The following FLCN variants were observed in gnomAD, a reference collection of about 807,000 sequenced individuals.
FLCN encodes the protein folliculin.
In FLCN, 22 loss-of-function variants were observed where a neutral mutation model predicts 62.5. The ratio of observed to expected loss-of-function variants is 0.35; its 90% CI spans 0.25 to 0.50. The LOEUF (loss-of-function observed/expected upper bound fraction) is 0.50. Among genes scored for constraint, FLCN ranks in the 20% least tolerant of loss-of-function variants. FLCN has a pLI of 0.97. For missense variants in FLCN, 657 were observed against 778.0 expected (o/e 0.84, Z 1.85); for synonymous variants, 319 against 310.0 (o/e 1.03, Z -0.30).
Position 17,216,650 on chromosome 17 carries a change from A to G in FLCN, c.1177-147T>C. ...AGAGGAGTCCCCAGACTCTCAGCCC[A>G]CAGTGGGGGTGAGGGGGGAGGGTCC... On this transcript the variant is annotated intron_variant, in intron 10 of 13. Transcript: ENST00000285071. The surrounding 1 kb of genome is among the most constrained non-coding windows in gnomAD (Gnocchi z 4.0). 1 of 1,304,008 alleles carries G rather than the reference A, an allele frequency of 7.7e-7. No homozygotes were observed. Among genetic ancestry groups the G allele is most frequent in the Non-Finnish European group, 1.1e-6 (1 of 944,950 alleles). 80.8% of individuals were successfully genotyped at this position (1,304,008 alleles called of 1,614,324 possible).
Position 17,213,772 on chromosome 17 carries a change from C to T in FLCN, c.1623G>A (p.Ala541=), listed in dbSNP as rs185419942. 2.0e-5 allele frequency: 33 copies of T among 1,614,248 alleles called. No homozygotes were observed. The highest frequency in any genetic ancestry group is 1.2e-4 in the Admixed American group (7 of 60,026). ...DTQKLLSILG[A]SEEDNVKLLK... Reference sequence around the variant, plus strand: ...GCAGCTTGACATTGTCCTCCTCGGACGCACCCAGGATGCTCAGCAGCTTCT... The same window carrying T: ...GCAGCTTGACATTGTCCTCCTCGGATGCACCCAGGATGCTCAGCAGCTTCT... Residue 541 remains alanine, a synonymous_variant, in exon 14 of 14, where the codon GCG becomes GCA. Coordinates refer to ENST00000285071, the MANE Select transcript of FLCN (RefSeq NM_144997.7).
chr17:17,230,101 A>G (rs1451161094), intron 3 of FLCN, among the ~76,000 whole-genome samples: 1 of 152,260 alleles, frequency 6.6e-6, no homozygotes, highest in African/African-American at 2.4e-5. Context: ...GCAAAGGTGC[A>G]CAGTGGGGAC....
chr17:17,236,859 A>G (rs905408445), intron 1 of FLCN, 53 bp downstream of exon 1: 1 of 150,896 alleles, frequency 6.6e-6, no homozygotes, highest in African/African-American at 2.5e-5. Context: ...TCCACCTGGG[A>G]CCAACGAAAA....
chr17:17,218,903 G>C, intron 9 of FLCN, 116 bp downstream of exon 9: 1 of 1,231,804 alleles, frequency 8.1e-7, no homozygotes, highest in Non-Finnish European at 1.1e-6. Context: ...GAGGCTGTCA[G>C]TCACTTCCTG....
At position 17,232,108 on chromosome 17, in the gene FLCN, A is replaced by G. The variant is rs1736211; in HGVS notation, c.-113-226T>C. ...GAACTTCTAGCTGGAAGGCCCTGAGAACTCAGCAAAGATGCAGGCTGCAGG... is the reference window on the plus strand; with the variant it reads ...GAACTTCTAGCTGGAAGGCCCTGAGGACTCAGCAAAGATGCAGGCTGCAGG... On this transcript the variant is annotated intron_variant, in intron 2 of 13. Transcript: ENST00000285071. 0.78 allele frequency among the ~76,000 whole-genome samples: 118,520 copies of G among 152,136 alleles called. 46,319 individuals carry two copies. The highest frequency in any genetic ancestry group is 0.85 in the East Asian group (4,377 of 5,160).
chr17:17,223,339 C>T (rs541861824), intron 6 of FLCN, among the ~76,000 whole-genome samples: 30 of 152,314 alleles, frequency 2.0e-4, no homozygotes, highest in Admixed American at 1.7e-3. Context: ...GTGATCTGCC[C>T]GCCTTGGCCT....
intron 3 of FLCN, chr17:17,228,830 A>G (rs1174279645): frequency 1.3e-5 from 2 of 152,910 alleles, no homozygotes; most frequent in Non-Finnish European, 2.9e-5. Context: ...GGCTGTAGGA[A>G]GCAGATCTTA....
At position 17,221,602 on chromosome 17, in the gene FLCN, A is replaced by G; in HGVS notation, c.806T>C (p.Leu269Pro). The G allele has an allele frequency of 6.2e-7, 1 of 1,609,704 alleles. No homozygotes were observed. Among genetic ancestry groups the G allele is most frequent in the Non-Finnish European group, 8.5e-7 (1 of 1,179,936 alleles). Residue 269 changes from leucine to proline, a missense_variant, in exon 8 of 14, where the codon CTG (leucine) becomes CCG (proline). By Grantham distance (98) the Leu-to-Pro change is moderately conservative (BLOSUM62 -3). Coordinates refer to ENST00000285071, the MANE Select transcript of FLCN (RefSeq NM_144997.7). ...AWLLKACGSR[L>P]TEKLLEGAPT... Reference sequence around the variant, plus strand: ...AGCACCTTCCAGGAGCTTCTCGGTCAGCCGGCTGCCACACGCCTTCAGGAG... The same window carrying G: ...AGCACCTTCCAGGAGCTTCTCGGTCGGCCGGCTGCCACACGCCTTCAGGAG...
chr17:17,234,233 G>A (rs1254101155), intron 1 of FLCN, among the ~76,000 whole-genome samples: 2 of 146,794 alleles, frequency 1.4e-5, no homozygotes, highest in Non-Finnish European at 3.0e-5. Flanking sequence ...TTTTTTTGCG[G>A]AAGGGTCTCA....
intron 3 of FLCN, among the ~76,000 whole-genome samples, chr17:17,230,492 G>T (rs763591334): frequency 6.6e-6 from 1 of 150,910 alleles, no homozygotes; most frequent in South Asian, 2.1e-4. Flanking sequence ...ATCGCACCAC[G>T]GCACTCGAGC....
rs371947198 is a variant in FLCN at position 17,227,934 on chromosome 17, G to A, written c.204C>T (p.Ser68=). 8.1e-5 allele frequency: 130 copies of A among 1,613,946 alleles called. No homozygotes were observed. The highest frequency in any genetic ancestry group is 1.1e-4 in the Non-Finnish European group (126 of 1,180,034). ...MRAHSPAEGA[S]VESSSPGPKK... is the part of the protein sequence containing the mutation. ...TGGGCCCCGGGCTGCTGGACTCGAC[G>A]CTGGCCCCCTCTGCGGGGCTGTGCG... Residue 68 remains serine (S), a synonymous_variant, in exon 4 of 14, where the codon AGC becomes AGT. Coordinates refer to ENST00000285071, the MANE Select transcript of FLCN (RefSeq NM_144997.7).
In FLCN at chr17:17,222,612, T is replaced by C. The variant is rs779467022; in HGVS notation, c.668A>G (p.Asn223Ser). The C allele has an allele frequency of 1.9e-6, 3 of 1,614,172 alleles. No individual in the cohort carries two copies. Among genetic ancestry groups the C allele is most frequent in the South Asian group, 2.2e-5 (2 of 91,088 alleles). The change falls in exon 7 of 14, where the codon AAC becomes AGC. Residue 223 changes from asparagine (N) to serine (S), a missense_variant. Physicochemically the swap from Asn to Ser is conservative, Grantham distance 46. Coordinates refer to ENST00000285071, the MANE Select transcript of FLCN (RefSeq NM_144997.7). ...GTGTAGGAATGGCGTGAAGGCTGTGTTCATCCTCTGAGCACGCTGTGGGCA... is the reference window on the plus strand; with the variant it reads ...GTGTAGGAATGGCGTGAAGGCTGTGCTCATCCTCTGAGCACGCTGTGGGCA... ...FGCPQRAQRM[N>S]TAFTPFLHQR...
Position 17,216,246 on chromosome 17 carries a change from A to G in FLCN, c.1300+134T>C. On this transcript the variant is annotated intron_variant, in intron 11 of 13. Transcript: ENST00000285071. The surrounding 1 kb of genome is among the most constrained non-coding windows in gnomAD (Gnocchi z 4.0). ...GTGAAGATAGAACACGGAGGCCCAG[A>G]GCCATGGGGGAAGCTGGCCCTGCAA... 2 of 1,322,214 alleles carry G rather than the reference A, an allele frequency of 1.5e-6. No homozygotes were observed. Among genetic ancestry groups the G allele is most frequent in the Non-Finnish European group, 2.1e-6 (2 of 966,808 alleles). 81.9% of individuals were successfully genotyped at this position (1,322,214 alleles called of 1,614,324 possible). A position where few individuals can be genotyped will look rare whatever the true frequency, so the allele number is the denominator to read the frequency against.
Position 17,215,308 on chromosome 17 carries a change from C to T in FLCN, c.1309G>A (p.Val437Ile), listed in dbSNP as rs772207015. ...PPHVLSSEFA[V>I]IVEVHAAARS... ...GCGGCTGCGTGGACCTCCACGATGA[C>T]AGCAAACTCTGTAACAACACAAGGC... Residue 437 changes from valine (V) to isoleucine (I), a missense_variant, in exon 12 of 14, where the codon GTC becomes ATC. Physicochemically the swap from Val to Ile is conservative, Grantham distance 29. Coordinates refer to ENST00000285071, the MANE Select transcript of FLCN (RefSeq NM_144997.7). 1 of 1,614,034 alleles carries T rather than the reference C, an allele frequency of 6.2e-7. No individual in the cohort carries two copies.
chr17:17,230,925 G>A (rs1003161302), intron 3 of FLCN, among the ~76,000 whole-genome samples: 6 of 151,966 alleles, frequency 3.9e-5, no homozygotes, highest in South Asian at 2.1e-4. Context: ...GGCTGAGTGC[G>A]GTTGTTCATG....
intron 1 of FLCN, among the ~76,000 whole-genome samples, chr17:17,236,334 A>G (rs1358035455): frequency 1.3e-5 from 2 of 152,214 alleles, no homozygotes; most frequent in Non-Finnish European, 2.9e-5. Context: ...GTCACCTGCC[A>G]CTATTACTCA....
chr17:17,226,885 A>G (rs1288789974), intron 4 of FLCN, among the ~76,000 whole-genome samples: 1 of 152,190 alleles, frequency 6.6e-6, no homozygotes, highest in East Asian at 1.9e-4. Flanking sequence ...AGCCACTCCG[A>G]TGCTGAGGCT....
intron 7 of FLCN, among the ~76,000 whole-genome samples, chr17:17,221,890 G>A (rs934124565): frequency 4.6e-5 from 7 of 152,132 alleles, no homozygotes; most frequent in South Asian, 4.2e-4. Flanking sequence ...GCGCTGCTCC[G>A]ATGCCAATGC....
At chr17:17,215,340 C>T (rs367849093) in intron 11 of FLCN, 24 bp from the exon 12 acceptor site, 16 of 1,612,822 alleles carry the variant, frequency 9.9e-6, no homozygotes, top group South Asian at 1.1e-5. Context: ...AGGCCCGTGG[C>T]TCCTCATCTC....
Sources: allele counts gnomAD v4.1 joint callset (sites outside exome capture counted in the v4.1 genomes callset), GRCh38; gene constraint gnomAD v4.1.1; non-coding constraint Gnocchi (gnomAD v3.1); transcripts MANE v1.5; gene names NCBI Gene and HGNC (gene_info 2026-07-23, HGNC 2026-07-21).